The following DNER variants were observed in gnomAD, a reference collection of about 807,000 sequenced individuals.
The protein encoded by DNER is delta and Notch-like epidermal growth factor-related receptor.
In DNER, 33 loss-of-function variants were observed where a neutral mutation model predicts 78.2. That is an observed-to-expected ratio of 0.42 (90% CI 0.32 to 0.56). The LOEUF is 0.56. DNER is among the 20% of genes least tolerant of loss of function. DNER has a pLI of 0.11. For missense variants in DNER, 918 were observed against 975.3 expected (o/e 0.94, Z 0.78); for synonymous variants, 417 against 384.8 (o/e 1.08, Z -0.98).
chr2:229,630,479 A>AAATAAC (rs1553546510), intron 1 of DNER, among the ~76,000 whole-genome samples: 42 of 139,054 alleles, frequency 3.0e-4, no homozygotes, highest in Non-Finnish European at 9.2e-5. Flanking sequence ...CTCCATCTCA[A>AAATAAC]AATAATAATA....
intron 10 of DNER, among the ~76,000 whole-genome samples, chr2:229,405,888 A>G (rs10207587): frequency 0.54 from 82,336 of 151,712 alleles, 23,810 homozygotes; most frequent in East Asian, 0.91. Context: ...ATATCTGGGG[A>G]AAAAAAACCC....
rs1470595101 is a variant in DNER, at chr2:229,505,580, A to G, written c.1147+7203T>C. ...AGTGGAAGGTGAGACAGATGACAGG[A>G]GAGCTACAGATTCAAGGAGAGCAGA... is the stretch of plus-strand genomic sequence containing the variant. On this transcript the variant is annotated intron_variant, in intron 6 of 12. Coordinates refer to ENST00000341772, the MANE Select transcript of DNER (RefSeq NM_139072.4). Among the ~76,000 whole-genome samples the G allele has an allele frequency of 3.9e-5, 6 of 152,176 alleles. 1 individual carries two copies. Among genetic ancestry groups the G allele is most frequent in the Admixed American group, 3.9e-4 (6 of 15,282 alleles).
chr2:229,553,111 C>A (rs781468721), intron 4 of DNER, among the ~76,000 whole-genome samples: 8 of 151,946 alleles, frequency 5.3e-5, no homozygotes, highest in Admixed American at 2.0e-4. Context: ...CATCCTAGGG[C>A]AAAAAATAAA....
intron 11 of DNER, among the ~76,000 whole-genome samples, chr2:229,382,697 G>C (rs1692771399): frequency 2.6e-5 from 4 of 151,876 alleles, no homozygotes; most frequent in Admixed American, 2.6e-4. Context: ...ATGAAATAAA[G>C]CATGAAGACA....
chr2:229,410,544 A>G (rs558218716), intron 9 of DNER, among the ~76,000 whole-genome samples: 3 of 152,350 alleles, frequency 2.0e-5, no homozygotes, highest in South Asian at 2.1e-4. Context: ...CTGTGGAATG[A>G]CACATGCATC....
At chr2:229,586,545 AAAAAACACAC>A in intron 3 of DNER, 2 of 143,540 alleles carry the variant, frequency 1.4e-5, no homozygotes, top group Non-Finnish European at 1.0e-5. Flanking sequence ...AAAAAAAAAA[AAAAAACACAC>A]AAAACCACCC....
At chr2:229,676,728 C>T (rs1196819286) in intron 1 of DNER, among the ~76,000 whole-genome samples, 2 of 152,126 alleles carry the variant, frequency 1.3e-5, no homozygotes, top group African/African-American at 2.4e-5. Flanking sequence ...GGAAACAGGG[C>T]TGGGTTTTTA....
rs10600729 is a variant in DNER at position 229,363,985 on chromosome 2, C to CTTTT, written c.2102+2884_2102+2887dup. Among the ~76,000 whole-genome samples the CTTTT allele has an allele frequency of 1.7e-3, 132 of 77,838 alleles. 19 individuals are homozygous for CTTTT. Among genetic ancestry groups the CTTTT allele is most frequent in the Middle Eastern group, 0.01 (1 of 100 alleles). The allele number at this position is 77,838 out of a possible 152,430, so 51.1% of individuals were successfully genotyped here. A position where few individuals can be genotyped will look rare whatever the true frequency, so the allele number is the denominator to read the frequency against. On this transcript the variant is annotated intron_variant, in intron 12 of 12. Coordinates refer to ENST00000341772, the MANE Select transcript of DNER (RefSeq NM_139072.4). ...ACCAAAGAAACTTGTCAATTCTCTG[C>CTTTT]TTTTTTTTTTTTTTTTTTTTTTTTT...
chr2:229,485,455 T>G (rs1201135876), intron 6 of DNER, among the ~76,000 whole-genome samples: 1 of 152,226 alleles, frequency 6.6e-6, no homozygotes, highest in African/African-American at 2.4e-5. Context: ...TACTATTTTG[T>G]ATTTAAGTAT....
Position 229,714,332 on chromosome 2 carries a change from C to A in DNER, c.92G>T (p.Ser31Ile). 7.9e-7 allele frequency: 1 copy of A among 1,270,296 alleles called. No homozygotes were observed. Among genetic ancestry groups the A allele is most frequent in the South Asian group, 2.8e-5 (1 of 35,366 alleles). 78.7% of individuals were successfully genotyped at this position (1,270,296 alleles called of 1,614,324 possible). ...LLLLGAGPRG[S>I]SLANPVPAAP... ...GGCGGGCACCGGGTTGGCCAGGGAGCTGCCTCGGGGCCCCGCTCCGAGCAG... is the reference window on the plus strand; with the variant it reads ...GGCGGGCACCGGGTTGGCCAGGGAGATGCCTCGGGGCCCCGCTCCGAGCAG... Residue 31 changes from serine to isoleucine, a missense_variant, in exon 1 of 13, where the codon AGC (serine) becomes ATC (isoleucine). By Grantham distance (142) the Ser-to-Ile change is moderately radical. Coordinates refer to ENST00000341772, the MANE Select transcript of DNER (RefSeq NM_139072.4).
chr2:229,501,494 A>T (rs1695623045), intron 6 of DNER, among the ~76,000 whole-genome samples: 1 of 152,108 alleles, frequency 6.6e-6, no homozygotes, highest in Admixed American at 6.6e-5. Context: ...CAAAAAATTT[A>T]ACAAATTTGG....
chr2:229,691,051 G>A (rs1000666953), intron 1 of DNER, among the ~76,000 whole-genome samples: 3 of 152,090 alleles, frequency 2.0e-5, no homozygotes. Flanking sequence ...GTTGGACCTG[G>A]TCATTCAGAC....
intron 1 of DNER, among the ~76,000 whole-genome samples, chr2:229,647,961 A>G (rs1698749113): frequency 6.6e-6 from 1 of 152,170 alleles, no homozygotes; most frequent in Non-Finnish European, 1.5e-5. Flanking sequence ...AAAGGTTCTA[A>G]CCGTTCCACA....
intron 4 of DNER, among the ~76,000 whole-genome samples, chr2:229,557,408 T>C (rs959909688): frequency 2.6e-5 from 4 of 152,222 alleles, no homozygotes; most frequent in African/African-American, 7.2e-5. Context: ...ACAGGCCAAC[T>C]GATCAGAGAC....
At chr2:229,698,223 C>T (rs986850724) in intron 1 of DNER, among the ~76,000 whole-genome samples, 1 of 151,706 alleles carries the variant, frequency 6.6e-6, no homozygotes, top group Non-Finnish European at 1.5e-5. Flanking sequence ...TAAAAGAAAA[C>T]AATAAAAGAA....
intron 4 of DNER, among the ~76,000 whole-genome samples, chr2:229,553,890 C>T (rs60028805): frequency 0.25 from 37,323 of 152,050 alleles, 6,726 homozygotes; most frequent in African/African-American, 0.5. Context: ...GAGGAAGACA[C>T]GGCTATGACT....
At chr2:229,555,967 G>A (rs958904024) in intron 4 of DNER, among the ~76,000 whole-genome samples, 3 of 152,076 alleles carry the variant, frequency 2.0e-5, no homozygotes, top group African/African-American at 7.2e-5. Flanking sequence ...TCATTCTCTA[G>A]TTTCACATTA....
intron 1 of DNER, among the ~76,000 whole-genome samples, chr2:229,686,241 A>G (rs1376093854): frequency 1.3e-5 from 2 of 152,100 alleles, no homozygotes. Context: ...GGATGGTGCC[A>G]CTGACTGTTC....
chr2:229,631,480 A>G (rs1408417184), intron 1 of DNER, among the ~76,000 whole-genome samples: 1 of 152,222 alleles, frequency 6.6e-6, no homozygotes, highest in Non-Finnish European at 1.5e-5. Context: ...AAGACACTTC[A>G]CATTGCTGAT....
Sources: allele counts gnomAD v4.1 joint callset (sites outside exome capture counted in the v4.1 genomes callset), GRCh38; gene constraint gnomAD v4.1.1; transcripts MANE v1.5; gene names NCBI Gene and HGNC (gene_info 2026-07-23, HGNC 2026-07-21).